The following CHODL variants were observed in gnomAD, a reference collection of about 807,000 sequenced individuals.
CHODL encodes the protein transmembrane protein MT75.
Under a neutral mutation model 34.5 loss-of-function variants are expected in CHODL, and 29 were observed. The ratio of observed to expected loss-of-function variants is 0.84; its 90% CI spans 0.63 to 1.15. The LOEUF is 1.15. CHODL is among the 50% of genes most tolerant of loss of function. CHODL has a pLI of 0.00. For synonymous variants in CHODL, 125 were observed against 116.1 expected, an observed-to-expected ratio of 1.08 and a Z score of -0.49; for missense variants, 332 against 332.5, an observed-to-expected ratio of 1.00 and a Z score of 0.01.
intron 2 of CHODL, among the ~76,000 whole-genome samples, chr21:18,106,094 C>A (rs1174687890): frequency 1.3e-5 from 2 of 152,152 alleles, no homozygotes; most frequent in African/African-American, 4.8e-5. Context: ...GGGTCTTTGG[C>A]ATTCTGCAAT....
intron 2 of CHODL, among the ~76,000 whole-genome samples, chr21:18,128,621 A>G (rs1222097894): frequency 6.6e-6 from 1 of 152,142 alleles, no homozygotes; most frequent in Non-Finnish European, 1.5e-5. Flanking sequence ...GATGTGCAGT[A>G]TTCAGTAAAA....
chr21:18,106,498 TTTC>T (rs1385556107), intron 2 of CHODL, among the ~76,000 whole-genome samples: 4 of 119,424 alleles, frequency 3.3e-5, no homozygotes, highest in African/African-American at 1.2e-4. Flanking sequence ...TCTTTTTCTT[TTTC>T]TTTTTTTTTT....
intron 2 of CHODL, among the ~76,000 whole-genome samples, chr21:18,058,004 T>TGGA (rs2064605809): frequency 6.6e-6 from 1 of 152,126 alleles, no homozygotes; most frequent in African/African-American, 2.4e-5. Flanking sequence ...TCTAGCTATT[T>TGGA]GGAAAGATTC....
intron 2 of CHODL, among the ~76,000 whole-genome samples, chr21:18,145,340 G>A (rs1256436258): frequency 6.8e-6 from 1 of 147,706 alleles, no homozygotes; most frequent in African/African-American, 2.5e-5. Flanking sequence ...GGGAGGCTGA[G>A]GCAGGAGAAT....
intron 5 of CHODL, among the ~76,000 whole-genome samples, chr21:18,265,169 G>A (rs1247338016): frequency 1.4e-5 from 2 of 147,006 alleles, no homozygotes; most frequent in South Asian, 2.1e-4. Flanking sequence ...AGAATCTGTG[G>A]TATATATATG....
At chr21:18,049,534 G>C (rs2064487217) in intron 2 of CHODL, among the ~76,000 whole-genome samples, 1 of 151,998 alleles carries the variant, frequency 6.6e-6, no homozygotes, top group African/African-American at 2.4e-5. Context: ...AAATACCAGA[G>C]ACTGTGTAGT....
intron 2 of CHODL, chr21:18,034,374 C>T (rs1371650595): frequency 6.6e-6 from 1 of 151,990 alleles, no homozygotes; most frequent in Non-Finnish European, 1.5e-5. Flanking sequence ...AAGTGTAGCC[C>T]TTCCAGGTCA....
intron 2 of CHODL, among the ~76,000 whole-genome samples, chr21:18,082,240 T>C (rs912007329): frequency 2.6e-5 from 4 of 152,192 alleles, no homozygotes; most frequent in African/African-American, 7.2e-5. Flanking sequence ...TAAGACATGC[T>C]TACTTCCCCT....
At chr21:18,197,526 G>T (rs367711521) in intron 2 of CHODL, among the ~76,000 whole-genome samples, 1 of 152,194 alleles carries the variant, frequency 6.6e-6, no homozygotes, top group South Asian at 2.1e-4. Context: ...TGCAGTGGGA[G>T]AATTGCTTGA....
At chr21:18,235,009 C>G (rs1294496070) in intron 2 of CHODL, among the ~76,000 whole-genome samples, 1 of 151,986 alleles carries the variant, frequency 6.6e-6, no homozygotes, top group Non-Finnish European at 1.5e-5. Flanking sequence ...AAAGAAGAGA[C>G]AATTTTAGGA....
At chr21:18,129,801 T>A (rs904527287) in intron 2 of CHODL, among the ~76,000 whole-genome samples, 2 of 152,164 alleles carry the variant, frequency 1.3e-5, no homozygotes, top group Non-Finnish European at 2.9e-5. Context: ...GGAATGAGGC[T>A]GATAAATTGC....
At chr21:18,223,362 G>C (rs1216833636) in intron 2 of CHODL, among the ~76,000 whole-genome samples, 1 of 152,022 alleles carries the variant, frequency 6.6e-6, no homozygotes, top group Non-Finnish European at 1.5e-5. Context: ...TTTTGCAGAA[G>C]GTCATGTCCA....
chr21:18,135,177 A>G (rs1028804788), intron 2 of CHODL, among the ~76,000 whole-genome samples: 1 of 152,146 alleles, frequency 6.6e-6, no homozygotes, highest in African/African-American at 2.4e-5. Context: ...TTTTATTATT[A>G]TATACGAGGA....
At chr21:18,202,882 C>T (rs2146711530) in intron 2 of CHODL, among the ~76,000 whole-genome samples, 1 of 152,100 alleles carries the variant, frequency 6.6e-6, no homozygotes, top group East Asian at 1.9e-4. Context: ...AGTAAATATG[C>T]TGGCTACGTC....
chr21:18,166,380 T>G (rs2073153780), intron 2 of CHODL, among the ~76,000 whole-genome samples: 1 of 152,174 alleles, frequency 6.6e-6, no homozygotes, highest in Admixed American at 6.5e-5. Context: ...ACCTTAATTA[T>G]ACATACAAAA....
At chr21:18,068,476 T>A (rs1476899648) in intron 2 of CHODL, among the ~76,000 whole-genome samples, 3 of 152,128 alleles carry the variant, frequency 2.0e-5, no homozygotes, top group South Asian at 4.1e-4. Context: ...GGATTACAGG[T>A]GTGAGCCACT....
In CHODL at chr21:17,930,443, T is replaced by A. The variant is rs562166350; in HGVS notation, c.-145+13043T>A. Among the ~76,000 whole-genome samples the A allele has an allele frequency of 2.8e-3, 419 of 152,322 alleles. 3 individuals carry two copies. Among genetic ancestry groups the A allele is most frequent in the African/African-American group, 9.4e-3 (389 of 41,574 alleles). ...GCCAGAGGGAGGTATGAGTGGGCCA[T>A]GCACCTTGTAGCTGCCTGCCTCCAC... On this transcript the variant is annotated intron_variant, in intron 1 of 6. Transcript: ENST00000400127.
At chr21:18,138,746 G>A (rs866271224) in intron 2 of CHODL, among the ~76,000 whole-genome samples, 1 of 152,180 alleles carries the variant, frequency 6.6e-6, no homozygotes, top group African/African-American at 2.4e-5. Flanking sequence ...GGAATAGCAA[G>A]CGAATAAGAG....
chr21:18,168,299 A>G (rs1212693900), intron 2 of CHODL, among the ~76,000 whole-genome samples: 2 of 152,156 alleles, frequency 1.3e-5, no homozygotes, highest in African/African-American at 2.4e-5. Flanking sequence ...CAACTATCCT[A>G]TTAGGTCTGT....
Sources: gnomAD v4.1 joint callset for allele counts (sites outside exome capture counted in the v4.1 genomes callset) on GRCh38, gnomAD v4.1.1 for gene constraint, MANE v1.5 for transcripts, NCBI Gene and HGNC (gene_info 2026-07-23, HGNC 2026-07-21) for gene names.